CADPS: variants seen among roughly 807,000 people sequenced by gnomAD.
CADPS encodes the protein calcium dependent secretion activator, also known as calcium-dependent secretion activator 1.
A neutral mutation model predicts 167.3 loss-of-function variants in CADPS; 57 were observed. That is an observed-to-expected ratio of 0.34 (90% CI 0.28 to 0.42). CADPS has a LOEUF of 0.42. CADPS is among the 20% of genes least tolerant of loss of function. The pLI, the probability that CADPS is intolerant of heterozygous loss-of-function variation, is 1.00. For missense variants in CADPS, 1,414 were observed against 1,738.1 expected, an observed-to-expected ratio of 0.81 and a Z score of 3.32; for synonymous variants, 676 against 635.3, an observed-to-expected ratio of 1.06 and a Z score of -0.96.
intron 1 of CADPS, among the ~76,000 whole-genome samples, chr3:62,862,232 T>C (rs1218844043): frequency 4.0e-5 from 6 of 151,460 alleles, no homozygotes; most frequent in African/African-American, 1.5e-4. Flanking sequence ...TTTTTTTTTT[T>C]TTTTAGACAG....
intron 1 of CADPS, among the ~76,000 whole-genome samples, chr3:62,839,100 T>C (rs924900977): frequency 1.3e-5 from 2 of 152,210 alleles, no homozygotes. Context: ...CACATGAAGA[T>C]GCTTATTCAG....
At position 62,421,284 on chromosome 3, in the gene CADPS, C is replaced by T. The variant is rs896805063; in HGVS notation, c.3777+16820G>A. ...TGAGGTGACAGAATAAGAAATTAAA[C>T]ACTTGTGGGTTCATTCGAAAGAGTG... is the stretch of plus-strand genomic sequence containing the variant. On this transcript the variant is annotated intron_variant, in intron 28 of 29. Coordinates refer to ENST00000383710, the MANE Select transcript of CADPS (RefSeq NM_003716.4). The surrounding 1 kb of genome is among the most constrained non-coding windows in gnomAD (Gnocchi z 4.7). Among the ~76,000 whole-genome samples the T allele has an allele frequency of 7.1e-6, 1 of 141,456 alleles. No individual in the cohort carries two copies. The highest frequency in any genetic ancestry group is 2.6e-5 in the African/African-American group (1 of 38,912). The allele number at this position is 141,456 out of a possible 152,430, so 92.8% of individuals were successfully genotyped here. A position where few individuals can be genotyped will look rare whatever the true frequency, so the allele number is the denominator to read the frequency against.
intron 6 of CADPS, among the ~76,000 whole-genome samples, chr3:62,596,413 G>C (rs2058950625): frequency 1.3e-5 from 2 of 151,904 alleles, no homozygotes; most frequent in Admixed American, 1.3e-4. Context: ...AGCCAGGCTG[G>C]TTGCGAACTC....
chr3:62,435,549 C>G (rs2054829107), intron 28 of CADPS, among the ~76,000 whole-genome samples: 1 of 152,070 alleles, frequency 6.6e-6, no homozygotes, highest in Admixed American at 6.6e-5. Context: ...ACTTTTTTTG[C>G]ACTACATCAG....
intron 28 of CADPS, among the ~76,000 whole-genome samples, chr3:62,428,190 C>T (rs2053149860): frequency 6.7e-6 from 1 of 149,846 alleles, no homozygotes; most frequent in African/African-American, 2.5e-5. Context: ...GTTAACTGTT[C>T]TCTTCTGAAC....
chr3:62,593,284 T>C (rs1387312863), intron 6 of CADPS, among the ~76,000 whole-genome samples: 2 of 152,104 alleles, frequency 1.3e-5, no homozygotes, highest in African/African-American at 2.4e-5. Context: ...CAAAGAGAGA[T>C]TGGAAGGGAG....
intron 3 of CADPS, among the ~76,000 whole-genome samples, chr3:62,674,075 A>G (rs1419321384): frequency 1.3e-5 from 2 of 152,182 alleles, no homozygotes; most frequent in African/African-American, 4.8e-5. Context: ...CAAGGTCAAA[A>G]GGAAATTGAG....
chr3:62,545,738 A>C (rs2076354544), intron 11 of CADPS, among the ~76,000 whole-genome samples: 1 of 152,190 alleles, frequency 6.6e-6, no homozygotes, highest in African/African-American at 2.4e-5. Context: ...TGAATTTAGA[A>C]AGACCCAAAT....
intron 1 of CADPS, among the ~76,000 whole-genome samples, chr3:62,834,951 G>A (rs917610039): frequency 1.3e-5 from 2 of 152,094 alleles, no homozygotes; most frequent in Admixed American, 6.5e-5. Flanking sequence ...TGTTATCAGA[G>A]TTCAAATATG....
intron 21 of CADPS, among the ~76,000 whole-genome samples, chr3:62,487,503 C>A (rs908038800): frequency 6.6e-6 from 1 of 152,184 alleles, no homozygotes; most frequent in Non-Finnish European, 1.5e-5. Context: ...CAACTTGGGA[C>A]TGTCTTTGAG....
intron 8 of CADPS, among the ~76,000 whole-genome samples, chr3:62,573,983 C>T (rs546841071): frequency 3.3e-5 from 5 of 152,160 alleles, no homozygotes; most frequent in South Asian, 2.1e-4. Context: ...GAGATCAGAG[C>T]GATCTTTTTA....
intron 3 of CADPS, among the ~76,000 whole-genome samples, chr3:62,737,082 G>A (rs1286040445): frequency 2.0e-5 from 3 of 151,978 alleles, no homozygotes; most frequent in African/African-American, 7.3e-5. Context: ...AGGTTGCAGT[G>A]AGCCAAGATC....
At chr3:62,405,434 G>A (rs1393424775) in intron 28 of CADPS, among the ~76,000 whole-genome samples, 1 of 140,066 alleles carries the variant, frequency 7.1e-6, no homozygotes, top group Non-Finnish European at 1.5e-5. Context: ...GCTGAGAGAC[G>A]TGCCACCTTT....
At position 62,874,048 on chromosome 3, in the gene CADPS, T is replaced by G. The variant is rs1577740278; in HGVS notation, c.441+541A>C. The stretch of plus-strand genomic sequence containing the variant: ...AGCTTCGCCTTCTGGGCTTGCTTTC[T>G]CCCGCCTGCCCCTGCGGTTGCTCTC... On this transcript the variant is annotated intron_variant, in intron 1 of 29. Transcript: ENST00000383710. The surrounding 1 kb of genome is among the most constrained non-coding windows in gnomAD (Gnocchi z 7.1). 6.6e-6 allele frequency among the ~76,000 whole-genome samples: 1 copy of G among 152,140 alleles called. No individual in the cohort carries two copies. The highest frequency in any genetic ancestry group is 1.5e-5 in the Non-Finnish European group (1 of 68,006).
chr3:62,491,099 A>C (rs1335896179), intron 21 of CADPS, among the ~76,000 whole-genome samples: 2 of 152,188 alleles, frequency 1.3e-5, no homozygotes, highest in African/African-American at 4.8e-5. Context: ...TTGTGCAATA[A>C]GAGATTTCAT....
chr3:62,432,918 T>A (rs1209922096), intron 28 of CADPS, among the ~76,000 whole-genome samples: 1 of 152,170 alleles, frequency 6.6e-6, no homozygotes, highest in African/African-American at 2.4e-5. Context: ...TAGAATGCCA[T>A]ATGCCTTGAA....
intron 28 of CADPS, among the ~76,000 whole-genome samples, chr3:62,414,242 C>T (rs56389750): frequency 0.22 from 33,123 of 152,092 alleles, 4,390 homozygotes; most frequent in South Asian, 0.35. Flanking sequence ...CACCAGCCCC[C>T]GCTCCAATTT....
chr3:62,622,491 A>G (rs751439285), intron 6 of CADPS, among the ~76,000 whole-genome samples: 17 of 152,108 alleles, frequency 1.1e-4, no homozygotes, highest in Non-Finnish European at 2.4e-4. Flanking sequence ...AGGCTTTCCA[A>G]TTTTAGCTAT....
intron 29 of CADPS, among the ~76,000 whole-genome samples, chr3:62,402,437 C>T (rs1355100246): frequency 1.3e-5 from 2 of 152,052 alleles, no homozygotes; most frequent in African/African-American, 2.4e-5. Context: ...TGTATTTACC[C>T]CCTTCTGTGA....
Sources: gnomAD v4.1 joint callset for allele counts (sites outside exome capture counted in the v4.1 genomes callset) on GRCh38, gnomAD v4.1.1 for gene constraint, Gnocchi (gnomAD v3.1) non-coding constraint, MANE v1.5 for transcripts, NCBI Gene and HGNC (gene_info 2026-07-23, HGNC 2026-07-21) for gene names.